Variants in EDNRB observed in about 807,000 individuals in gnomAD.
EDNRB encodes the protein endothelin receptor type B, also known as Hirschsprung disease 2.
Under a neutral mutation model 46.4 loss-of-function variants are expected in EDNRB, and 18 were observed. The ratio of observed to expected loss-of-function variants is 0.39; its 90% CI spans 0.27 to 0.57. The LOEUF (loss-of-function observed/expected upper bound fraction) is 0.57. EDNRB is among the 20% of genes least tolerant of loss of function. The pLI is 0.61. For missense variants in EDNRB, 434 were observed against 537.5 expected (o/e 0.81, Z 1.90); for synonymous variants, 213 against 204.9 (o/e 1.04, Z -0.34).
At chr13:77,952,726 C>T (rs1881126614) in intron 1 of EDNRB, among the ~76,000 whole-genome samples, 1 of 152,162 alleles carries the variant, frequency 6.6e-6, no homozygotes, top group Admixed American at 6.5e-5. Flanking sequence ...ATCAATTTTA[C>T]CCTGAATCTC....
intron 1 of EDNRB, among the ~76,000 whole-genome samples, chr13:77,965,152 T>A (rs568170050): frequency 1.1e-4 from 16 of 152,310 alleles, no homozygotes; most frequent in African/African-American, 3.8e-4. Flanking sequence ...ATATATATAT[T>A]TTTAAAGTCC....
upstream of EDNRB, among the ~76,000 whole-genome samples, chr13:77,921,579 G>C (rs1047544908): frequency 2.6e-5 from 4 of 152,174 alleles, no homozygotes; most frequent in African/African-American, 4.8e-5. Flanking sequence ...CACAGACTAT[G>C]CTTTTTATTA....
chr13:77,909,628 GTTTA>G (rs1016890773), intron 1 of EDNRB, among the ~76,000 whole-genome samples: 1 of 151,948 alleles, frequency 6.6e-6, no homozygotes, highest in African/African-American at 2.4e-5. Context: ...AGCTTTAACT[GTTTA>G]TTTGTTTCAG....
At position 77,895,750 on chromosome 13, in the gene EDNRB, T is replaced by C. The variant is rs1878589688; in HGVS notation, c.*2450A>G. ...CCTCCCAGATATATAATTTTTTACA[T>C]TGTTATATTACACTTTTATAAAGTT... On this transcript the variant is annotated 3_prime_UTR_variant, in exon 7 of 7. Coordinates refer to ENST00000646607, the MANE Select transcript of EDNRB (RefSeq NM_001122659.3). The C allele has an allele frequency of 1.3e-5, 2 of 152,060 alleles. No homozygotes were observed. Among genetic ancestry groups the C allele is most frequent in the Admixed American group, 6.6e-5 (1 of 15,248 alleles). 9.4% of individuals were successfully genotyped at this position (152,060 alleles called of 1,614,324 possible). A position where few individuals can be genotyped will look rare whatever the true frequency, so the allele number is the denominator to read the frequency against.
At chr13:77,973,056 T>G (rs906846258) in intron 1 of EDNRB, among the ~76,000 whole-genome samples, 2 of 152,198 alleles carry the variant, frequency 1.3e-5, no homozygotes, top group South Asian at 2.1e-4. Flanking sequence ...AGGGGTGGTA[T>G]GCATACTAAA....
rs546684901 is a variant in EDNRB at position 77,913,455 on chromosome 13, A to G, written c.483+4636T>C. 2.9e-4 allele frequency among the ~76,000 whole-genome samples: 44 copies of G among 152,212 alleles called. 2 individuals carry two copies. In the South Asian group the frequency reaches 9.1e-3, roughly 32 times the overall value. On this transcript the variant is annotated intron_variant, in intron 1 of 6. Coordinates refer to ENST00000646607, the MANE Select transcript of EDNRB (RefSeq NM_001122659.3). ...GACACCTGATTACCTTTGGATCCTT[A>G]CCAAACTAGTTAATGTGGATATTGG... is the stretch of plus-strand genomic sequence containing the variant.
chr13:77,900,522 T>G lies in EDNRB; in HGVS notation c.1084A>C (p.Ser362Arg), dbSNP rs369090616. The G allele has an allele frequency of 1.2e-6, 2 of 1,612,286 alleles. No individual in the cohort carries two copies. Among genetic ancestry groups the G allele is most frequent in the African/African-American group, 2.7e-5 (2 of 74,894 alleles). ...QNDPNRCELL[S>R]FLLVLDYIGI... ...CCATTTCTAGTTTGCCTTTCTTACC[T>G]CAAAAGTTCACATCTATTGGGATCA... Residue 362 changes from serine (S) to arginine (R), a missense_variant and splice_region_variant, in exon 5 of 7, where the codon AGC becomes CGC. Physicochemically the swap from Ser to Arg is moderately radical, Grantham distance 110. Transcript: ENST00000646607.
rs1594356104 is a variant in EDNRB at position 77,900,027 on chromosome 13, T to G, written c.1086-60A>C. On this transcript the variant is annotated intron_variant, in intron 5 of 6. Coordinates refer to ENST00000646607, the MANE Select transcript of EDNRB (RefSeq NM_001122659.3). ...TATGCTATTCTGAACATGTAGTCATTGTAGCTTCTGTGCTTTTGTAAGGAA... is the reference window on the plus strand; with the variant it reads ...TATGCTATTCTGAACATGTAGTCATGGTAGCTTCTGTGCTTTTGTAAGGAA... The G allele has an allele frequency of 5.0e-6, 7 of 1,411,396 alleles. No homozygotes were observed. The East Asian group carries it at 1.6e-4, about 33-fold the overall frequency. The allele number at this position is 1,411,396 out of a possible 1,614,324, so 87.4% of individuals were successfully genotyped here. A position where few individuals can be genotyped will look rare whatever the true frequency, so the allele number is the denominator to read the frequency against.
At chr13:77,950,762 AAAT>A (rs1372336446) in intron 1 of EDNRB, among the ~76,000 whole-genome samples, 1 of 152,214 alleles carries the variant, frequency 6.6e-6, no homozygotes, top group East Asian at 1.9e-4. Context: ...TTGTTTTTAC[AAAT>A]AATAACAAGG....
At chr13:77,914,666 C>T (rs140864897) in intron 1 of EDNRB, among the ~76,000 whole-genome samples, 4 of 152,284 alleles carry the variant, frequency 2.6e-5, no homozygotes, top group Non-Finnish European at 2.9e-5. Flanking sequence ...ACACAGGAGA[C>T]CTGTGAGAGT....
intron 1 of EDNRB, among the ~76,000 whole-genome samples, chr13:77,971,338 G>T (rs1340743063): frequency 6.6e-6 from 1 of 152,194 alleles, no homozygotes; most frequent in South Asian, 2.1e-4. Flanking sequence ...TTTATGTTTA[G>T]GTTTTGCCCA....
At chr13:77,945,562 G>A (rs151021059) in intron 1 of EDNRB, among the ~76,000 whole-genome samples, 161 of 152,278 alleles carry the variant, frequency 1.1e-3, no homozygotes, top group African/African-American at 3.5e-3. Context: ...GCCAATATCT[G>A]CTTACCTGGA....
At chr13:77,964,644 A>G (rs548313788) in intron 1 of EDNRB, among the ~76,000 whole-genome samples, 183 of 152,224 alleles carry the variant, frequency 1.2e-3, no homozygotes, top group African/African-American at 4.3e-3. Context: ...GCGGAGAAGA[A>G]GGAGGGATAG....
intron 1 of EDNRB, among the ~76,000 whole-genome samples, chr13:77,911,894 A>G (rs990363060): frequency 1.3e-5 from 2 of 152,152 alleles, no homozygotes; most frequent in African/African-American, 4.8e-5. Context: ...CAAAGTCCTG[A>G]AAGAGAATGT....
chr13:77,958,356 ATTT>A (rs1881300625), intron 1 of EDNRB, among the ~76,000 whole-genome samples: 1 of 130,758 alleles, frequency 7.6e-6, no homozygotes, highest in African/African-American at 3.2e-5. Context: ...TTATTTATTT[ATTT>A]ATTTATTTAT....
intron 1 of EDNRB, among the ~76,000 whole-genome samples, chr13:77,958,319 A>G (rs1306214849): frequency 6.6e-6 from 1 of 152,012 alleles, no homozygotes; most frequent in African/African-American, 2.4e-5. Context: ...TATTGGCATC[A>G]GTAATTTCAA....
At chr13:77,948,800 T>A (rs1024610119) in intron 1 of EDNRB, among the ~76,000 whole-genome samples, 1 of 152,178 alleles carries the variant, frequency 6.6e-6, no homozygotes, top group Non-Finnish European at 1.5e-5. Flanking sequence ...TATTAGTTGG[T>A]GAGATGAAAT....
intron 1 of EDNRB, among the ~76,000 whole-genome samples, chr13:77,949,476 G>T (rs888695456): frequency 3.3e-5 from 5 of 152,166 alleles, no homozygotes; most frequent in Admixed American, 6.5e-5. Flanking sequence ...ATCACAGTCT[G>T]TAGCCTCTAC....
chr13:77,928,516 GA>G (rs1880302239), intron 1 of EDNRB, among the ~76,000 whole-genome samples: 1 of 152,258 alleles, frequency 6.6e-6, no homozygotes, highest in South Asian at 2.1e-4. Context: ...TTTTCAAGAG[GA>G]ATGTCTTTCC....
Sources: gnomAD v4.1 joint callset for allele counts (sites outside exome capture counted in the v4.1 genomes callset) on GRCh38, gnomAD v4.1.1 for gene constraint, MANE v1.5 for transcripts, NCBI Gene and HGNC (gene_info 2026-07-23, HGNC 2026-07-21) for gene names.